OXA1L: variants seen among roughly 807,000 people sequenced by gnomAD.
The protein encoded by OXA1L is OXA1L mitochondrial inner membrane insertase, also known as mitochondrial inner membrane protein OXA1L.
In OXA1L, 42 loss-of-function variants were observed where a neutral mutation model predicts 52.2. That is an observed-to-expected ratio of 0.80 (90% confidence interval 0.63 to 1.04). The LOEUF (loss-of-function observed/expected upper bound fraction) is 1.04, where lower values mean the gene tolerates loss of function less well. Ranked by LOEUF, OXA1L falls within the 50% of genes least tolerant of loss-of-function variation. The pLI is 0.00. For missense variants in OXA1L, 572 were observed against 555.0 expected, an observed-to-expected ratio of 1.03 and a Z score of -0.31; for synonymous variants, 239 against 201.9, an observed-to-expected ratio of 1.18 and a Z score of -1.56.
intron 6 of OXA1L, 79 bp from the exon 7 acceptor site, chr14:22,770,726 G>A: frequency 1.3e-6 from 2 of 1,544,216 alleles, no homozygotes; most frequent in East Asian, 4.5e-5. Flanking sequence ...TGGAGAAAGA[G>A]TTGATGGGTA....
chr14:22,768,278 A>C (rs535341698), intron 3 of OXA1L, 107 bp downstream of exon 3: 126 of 817,264 alleles, frequency 1.5e-4, no homozygotes, highest in Non-Finnish European at 3.5e-5. Flanking sequence ...TCAGAAGAGC[A>C]GATGATTTCA....
At position 22,772,351 on chromosome 14, in the gene OXA1L, TGGC is replaced by T. The variant is rs2038481748; in HGVS notation, c.*799_*801del. 1 of 146,892 alleles carries T rather than the reference TGGC, an allele frequency of 6.8e-6. No homozygotes were observed. The highest frequency in any genetic ancestry group is 1.5e-5 in the Non-Finnish European group (1 of 66,940). The allele number at this position is 146,892 out of a possible 1,614,324, so 9.1% of individuals were successfully genotyped here. On this transcript the variant is annotated 3_prime_UTR_variant, in exon 10 of 10. Transcript: ENST00000612549. ...AAAAAAAAAAAAAATTAGCCGGGCA[TGGC>T]GGCGGGTGCCTGTATTCCCAGCTAC...
Position 22,771,866 on chromosome 14 carries a change from G to A in OXA1L, c.*308G>A, listed in dbSNP as rs1340566108. On this transcript the variant is annotated 3_prime_UTR_variant, in exon 10 of 10. Transcript: ENST00000612549. ...AGAATACCCAGCATTTTGGGAGGCC[G>A]AGGTGGGTGGATCACCTGAGATCAG... 13 of 278,742 alleles carry A rather than the reference G, an allele frequency of 4.7e-5. No individual in the cohort carries two copies. The highest frequency in any genetic ancestry group is 1.0e-4 in the South Asian group (2 of 19,220). 17.3% of individuals were successfully genotyped at this position (278,742 alleles called of 1,614,324 possible). A position where few individuals can be genotyped will look rare whatever the true frequency, so the allele number is the denominator to read the frequency against.
At chr14:22,767,438 A>C (rs2038418985) in intron 2 of OXA1L, 29 bp downstream of exon 2, 1 of 1,566,388 alleles carries the variant, frequency 6.4e-7, no homozygotes, top group Non-Finnish European at 8.6e-7. Flanking sequence ...CTGCAATATT[A>C]GGAGTGGTGT....
intron 3 of OXA1L, chr14:22,768,608 C>T (rs2038431008): frequency 5.3e-6 from 1 of 189,598 alleles, no homozygotes; most frequent in Admixed American, 5.3e-5. Context: ...CAGCATTTCC[C>T]TCCTCACTGC....
At position 22,768,107 on chromosome 14, in the gene OXA1L, C is replaced by G. The variant is rs750807318; in HGVS notation, c.375C>G (p.Ile125Met). The stretch of plus-strand genomic sequence containing the variant: ...GGTCATACACCCCAGTGGGACTGAT[C>G]CAGAATTTACTGGAATTTATGCATG... ...GLGSYTPVGL[I>M]QNLLEFMHVD... Residue 125 changes from isoleucine to methionine, a missense_variant, in exon 3 of 10, where the codon ATC (isoleucine) becomes ATG (methionine). Transcript: ENST00000612549. The G allele has an allele frequency of 6.2e-7, 1 of 1,614,042 alleles. No homozygotes were observed. The highest frequency in any genetic ancestry group is 1.3e-5 in the African/African-American group (1 of 74,920).
intron 1 of OXA1L, 162 bp from the exon 2 acceptor site, chr14:22,767,086 A>G: frequency 1.3e-6 from 2 of 1,536,442 alleles, no homozygotes; most frequent in South Asian, 1.2e-5. Context: ...CACCCGCTGC[A>G]TGCCTTCGGG....
intron 6 of OXA1L, 31 bp from the exon 7 acceptor site, chr14:22,770,774 C>T (rs2038451643): frequency 6.3e-7 from 1 of 1,599,984 alleles, no homozygotes; most frequent in Admixed American, 1.7e-5. Context: ...TGACAGCTTT[C>T]CCGACTTTTC....
At chr14:22,768,296 A>C in intron 3 of OXA1L, 125 bp downstream of exon 3, 1 of 713,624 alleles carries the variant, frequency 1.4e-6, no homozygotes, top group East Asian at 2.7e-5. Context: ...TCAAATGAGC[A>C]ATAGAGGTTC....
rs2038448596 is a variant in OXA1L at position 22,770,471 on chromosome 14, T to G, written c.680T>G (p.Phe227Cys). 1 of 1,613,450 alleles carries G rather than the reference T, an allele frequency of 6.2e-7. No individual in the cohort carries two copies. Among genetic ancestry groups the G allele is most frequent in the African/African-American group, 1.3e-5 (1 of 74,930 alleles). Reference protein sequence around the residue: ...LILPVTQAPIFISFFIALREM... With the variant: ...LILPVTQAPICISFFIALREM... ...TATCTTGTGTAATAGGCCCCAATCT[T>G]CATCTCCTTCTTCATTGCTTTGAGA... Residue 227 changes from phenylalanine to cysteine, a missense_variant, in exon 6 of 10, where the codon TTC (phenylalanine) becomes TGC (cysteine). Phe to Cys is a radical substitution (Grantham distance 205, BLOSUM62 -2). Around this residue, in one of 5 missense-constraint regions of OXA1L, gnomAD observed 132 missense variants for 124.0 expected, o/e 1.06. Transcript: ENST00000612549.
chr14:22,770,976 A>AG, intron 7 of OXA1L, 42 bp from the exon 8 acceptor site: 1 of 1,612,956 alleles, frequency 6.2e-7, no homozygotes. Flanking sequence ...CAAGCTGACC[A>AG]GGGATACAGC....
chr14:22,771,281 T>C lies in OXA1L; in HGVS notation c.1116T>C (p.Ala372=). 6.2e-7 allele frequency: 1 copy of C among 1,614,182 alleles called. No individual in the cohort carries two copies. The highest frequency in any genetic ancestry group is 1.1e-5 in the South Asian group (1 of 91,082). The change falls in exon 9 of 10, where the codon GCT becomes GCC. Residue 372 remains alanine, a synonymous_variant. Transcript: ENST00000612549. ...LESFKKGWKN[A]EMTRQLRERE... ...CTCTTTACACAGGCTGGAAAAATGCTGAAATGACGCGTCAGCTGCGAGAGC... is the reference window on the plus strand; with the variant it reads ...CTCTTTACACAGGCTGGAAAAATGCCGAAATGACGCGTCAGCTGCGAGAGC...
intron 3 of OXA1L, chr14:22,768,838 C>T (rs777815566): frequency 2.0e-5 from 3 of 152,320 alleles, no homozygotes; most frequent in Non-Finnish European, 4.4e-5. Context: ...GTGTAATAAT[C>T]ACATTATGGA....
intron 1 of OXA1L, 144 bp downstream of exon 1, chr14:22,766,908 C>T (rs981193909): frequency 2.0e-5 from 31 of 1,518,854 alleles, no homozygotes; most frequent in Non-Finnish European, 2.5e-5. Flanking sequence ...TGTGAGGACG[C>T]GCTAGGGTTA....
Position 22,771,323 on chromosome 14 carries a change from G to T in OXA1L, c.1158G>T (p.Arg386=). Residue 386 remains arginine, a synonymous_variant, in exon 9 of 10, where the codon CGG becomes CGT. Transcript: ENST00000612549. ...RQLREREQRM[R]NQLELAARGP... ...TGCGAGAGCGTGAACAACGCATGCG[G>T]AATCAGTTGGAGCTAGCAGCCAGGG... The T allele has an allele frequency of 6.2e-7, 1 of 1,614,202 alleles. No homozygotes were observed. The highest frequency in any genetic ancestry group is 8.5e-7 in the Non-Finnish European group (1 of 1,180,004).
In OXA1L at chr14:22,771,420, T is replaced by C; in HGVS notation, c.1184-14T>C. On this transcript the variant is annotated splice_polypyrimidine_tract_variant and intron_variant, in intron 9 of 9. Coordinates refer to ENST00000612549, the MANE Select transcript of OXA1L (RefSeq NM_005015.5). ...CTGTTCTTCGTTGAAATTTGTTTTC[T>C]CTTCTCCCCTCAGGTCCTTTACGAC... 1 of 1,614,104 alleles carries C rather than the reference T, an allele frequency of 6.2e-7. No homozygotes were observed. The highest frequency in any genetic ancestry group is 8.5e-7 in the Non-Finnish European group (1 of 1,179,934).
intron 3 of OXA1L, among the ~76,000 whole-genome samples, chr14:22,769,251 G>A (rs2038436659): frequency 6.6e-6 from 1 of 152,100 alleles, no homozygotes; most frequent in Admixed American, 6.5e-5. Flanking sequence ...CTCTGCCCAT[G>A]ATTTCATTTG....
chr14:22,770,257 T>C lies in OXA1L; in HGVS notation c.648T>C (p.Pro216=). Residue 216 remains proline, a synonymous_variant, in exon 5 of 10, where the codon CCT becomes CCC. Coordinates refer to ENST00000612549, the MANE Select transcript of OXA1L (RefSeq NM_005015.5). ...AACATGGTATTAAACTCTATAAACC[T>C]CTCATTCTCCCTGTGACTCAGGTGA... is the stretch of plus-strand genomic sequence containing the variant. ...QKKHGIKLYK[P]LILPVTQAPI... The C allele has an allele frequency of 6.2e-7, 1 of 1,609,568 alleles. No homozygotes were observed. Among genetic ancestry groups the C allele is most frequent in the Non-Finnish European group, 8.5e-7 (1 of 1,175,858 alleles).
intron 1 of OXA1L, chr14:22,766,974 T>C (rs1342251729): frequency 1.3e-6 from 2 of 1,528,086 alleles, no homozygotes; most frequent in African/African-American, 1.4e-5. Flanking sequence ...TTGGCTTGGC[T>C]CCTGGCGAGA....
Sources: allele counts gnomAD v4.1 joint callset (sites outside exome capture counted in the v4.1 genomes callset), GRCh38; gene constraint gnomAD v4.1.1; regional missense constraint gnomAD v4.1.1; transcripts MANE v1.5; gene names NCBI Gene and HGNC (gene_info 2026-07-23, HGNC 2026-07-21).